Variants in ZNF292 observed in about 807,000 individuals in gnomAD.
ZNF292 encodes 16 zinc-finger domain protein.
Under a neutral mutation model 217.9 loss-of-function variants are expected in ZNF292, and 26 were observed. The observed-to-expected ratio is 0.12, with a 90% CI of 0.09 to 0.17. The LOEUF (loss-of-function observed/expected upper bound fraction) is 0.17. Ranked by LOEUF, ZNF292 falls within the 10% of genes least tolerant of loss-of-function variation. The probability of loss-of-function intolerance (pLI) is 1.00; values close to 1 mark genes in which losing one functional copy is unlikely to be tolerated. For missense variants in ZNF292, 2,904 were observed against 3,175.2 expected, an observed-to-expected ratio of 0.91 and a Z score of 2.05; for synonymous variants, 1,257 against 1,124.1, an observed-to-expected ratio of 1.12 and a Z score of -2.37.
At chr6:87,188,812 T>C (rs1771738027) in intron 1 of ZNF292, among the ~76,000 whole-genome samples, 1 of 151,622 alleles carries the variant, frequency 6.6e-6, no homozygotes, top group Non-Finnish European at 1.5e-5. Context: ...AAAAAATTAC[T>C]ATGGCTGGCT....
At chr6:87,177,734 T>C (rs1373158784) in intron 1 of ZNF292, among the ~76,000 whole-genome samples, 2 of 152,222 alleles carry the variant, frequency 1.3e-5, no homozygotes, top group Non-Finnish European at 2.9e-5. Flanking sequence ...GCTCATTTTC[T>C]TAATTTCTTT....
chr6:87,230,097 C>T (rs529899222), intron 4 of ZNF292, among the ~76,000 whole-genome samples: 2 of 152,226 alleles, frequency 1.3e-5, no homozygotes, highest in East Asian at 3.9e-4. Context: ...TAGGAGAGAG[C>T]ATTTTTAAGG....
At chr6:87,246,319 GATTAC>G (rs1282693402) in intron 7 of ZNF292, among the ~76,000 whole-genome samples, 9 of 152,220 alleles carry the variant, frequency 5.9e-5, no homozygotes, top group African/African-American at 2.2e-4. Context: ...CAGAAGGGAA[GATTAC>G]ATTATCTGAA....
intron 5 of ZNF292, 135 bp from the exon 6 acceptor site, chr6:87,243,340 G>C: frequency 1.8e-6 from 1 of 563,210 alleles, no homozygotes; most frequent in Middle Eastern, 5.6e-4. Flanking sequence ...AATTATAACT[G>C]ACTTGATAGT....
chr6:87,244,298 A>G (rs1183818553), intron 6 of ZNF292, among the ~76,000 whole-genome samples: 2 of 152,256 alleles, frequency 1.3e-5, no homozygotes, highest in Non-Finnish European at 2.9e-5. Context: ...TATGAAGGAA[A>G]AATAGTATAT....
Position 87,256,679 on chromosome 6 carries a change from C to G in ZNF292, c.3050C>G (p.Thr1017Ser). The change falls in exon 8 of 8, where the codon ACC becomes AGC. Residue 1017 changes from threonine to serine, a missense_variant. Physicochemically the swap from Thr to Ser is moderately conservative, Grantham distance 58. Coordinates refer to ENST00000369577, the MANE Select transcript of ZNF292 (RefSeq NM_015021.3). ...GAAACTCTCAAAATAGGTGACCTTA[C>G]CCCACAAAACTTAGAAAGACAAGTG... ...NSETLKIGDL[T>S]PQNLERQVNN... is the part of the protein sequence containing the mutation. The G allele has an allele frequency of 6.2e-7, 1 of 1,613,348 alleles. No homozygotes were observed. The highest frequency in any genetic ancestry group is 8.5e-7 in the Non-Finnish European group (1 of 1,179,808).
chr6:87,240,253 G>A (rs1297663779), intron 5 of ZNF292, among the ~76,000 whole-genome samples: 1 of 152,138 alleles, frequency 6.6e-6, no homozygotes, highest in Non-Finnish European at 1.5e-5. Flanking sequence ...TCAGCAGGCT[G>A]AGGCAGGAGA....
rs764776192 is a variant in ZNF292 at position 87,261,179 on chromosome 6, A to C, written c.7550A>C (p.Asp2517Ala). 3 of 1,613,206 alleles carry C rather than the reference A, an allele frequency of 1.9e-6. No individual in the cohort carries two copies. The Admixed American group carries it at 5.0e-5, about 27-fold the overall frequency. The change falls in exon 8 of 8, where the codon GAT becomes GCT. Residue 2517 changes from aspartate to alanine, a missense_variant. Transcript: ENST00000369577. ...SSNVSNDFQE[D>A]NLCQSERQKA... ...AATGTAAGTAATGATTTTCAGGAAGATAACCTCTGCCAGTCAGAAAGACAA... is the reference window on the plus strand; with the variant it reads ...AATGTAAGTAATGATTTTCAGGAAGCTAACCTCTGCCAGTCAGAAAGACAA...
At position 87,257,863 on chromosome 6, in the gene ZNF292, C is replaced by G; in HGVS notation, c.4234C>G (p.Leu1412Val). 1 of 1,613,886 alleles carries G rather than the reference C, an allele frequency of 6.2e-7. No individual in the cohort carries two copies. The highest frequency in any genetic ancestry group is 2.2e-5 in the East Asian group (1 of 44,882). The change falls in exon 8 of 8, where the codon CTT becomes GTT. Residue 1412 changes from leucine to valine, a missense_variant. Leu to Val is a conservative substitution (Grantham distance 32). Coordinates refer to ENST00000369577, the MANE Select transcript of ZNF292 (RefSeq NM_015021.3). ...PLDGAEIAQE[L>V]LQSNGQPSLL... Reference sequence around the variant, plus strand: ...GGATGGAGCCGAAATTGCTCAAGAACTTCTACAGAGTAATGGACAGCCTTC... The same window carrying G: ...GGATGGAGCCGAAATTGCTCAAGAAGTTCTACAGAGTAATGGACAGCCTTC...
chr6:87,196,347 CT>C (rs1451924153), intron 1 of ZNF292, among the ~76,000 whole-genome samples: 1 of 152,162 alleles, frequency 6.6e-6, no homozygotes, highest in South Asian at 2.1e-4. Flanking sequence ...AGCATTGCCA[CT>C]TTTTGTTTCC....
Position 87,256,021 on chromosome 6 carries a change from G to T in ZNF292, c.2392G>T (p.Asp798Tyr), listed in dbSNP as rs1775189513. 7 of 1,607,178 alleles carry T rather than the reference G, an allele frequency of 4.4e-6. No individual in the cohort carries two copies. The highest frequency in any genetic ancestry group is 6.0e-6 in the Non-Finnish European group (7 of 1,176,142). ...RIFSEAYLLY[D>Y]HEAQHYNTYT... Reference sequence around the variant, plus strand: ...TTTTTCGGAAGCTTATTTACTATATGATCATGAAGCACAACATTATAATAC... The same window carrying T: ...TTTTTCGGAAGCTTATTTACTATATTATCATGAAGCACAACATTATAATAC... Residue 798 changes from aspartate (D) to tyrosine (Y), a missense_variant, in exon 8 of 8, where the codon GAT becomes TAT. Asp to Tyr is a radical substitution (Grantham distance 160, BLOSUM62 -3). This residue lies in a region of ZNF292 where 216 missense variants were observed against 308.3 expected (regional missense o/e 0.70). Coordinates refer to ENST00000369577, the MANE Select transcript of ZNF292 (RefSeq NM_015021.3).
At chr6:87,250,019 C>A (rs543890723) in intron 7 of ZNF292, among the ~76,000 whole-genome samples, 1 of 120,944 alleles carries the variant, frequency 8.3e-6, no homozygotes, top group African/African-American at 3.3e-5. Context: ...CAACTGGTAA[C>A]CCTTAAAAAA....
intron 6 of ZNF292, among the ~76,000 whole-genome samples, chr6:87,243,812 C>T (rs1774432941): frequency 6.6e-6 from 1 of 152,066 alleles, no homozygotes; most frequent in Admixed American, 6.5e-5. Flanking sequence ...CCACACAATT[C>T]CTTAGCATGC....
rs758995215 is a variant in ZNF292 at position 87,260,400 on chromosome 6, A to G, written c.6771A>G (p.Lys2257=). 6.2e-7 allele frequency: 1 copy of G among 1,613,604 alleles called. No homozygotes were observed. The highest frequency in any genetic ancestry group is 1.1e-5 in the South Asian group (1 of 91,062). The change falls in exon 8 of 8, where the codon AAA becomes AAG. Residue 2257 remains lysine, a synonymous_variant. Transcript: ENST00000369577. The part of the protein sequence containing the change: ...ASKTEEDGVY[K]CDCEGCDRIY... ...AAACAGAAGAAGATGGTGTATACAA[A>G]TGTGATTGTGAAGGCTGTGACCGTA...
chr6:87,197,076 A>G (rs1043858531), intron 1 of ZNF292, among the ~76,000 whole-genome samples: 1 of 90,282 alleles, frequency 1.1e-5, no homozygotes, highest in Non-Finnish European at 2.0e-5. Context: ...AAAGGAGGTC[A>G]GATTCATTAT....
intron 4 of ZNF292, among the ~76,000 whole-genome samples, chr6:87,220,027 G>A (rs1003038208): frequency 6.6e-6 from 1 of 152,024 alleles, no homozygotes; most frequent in Non-Finnish European, 1.5e-5. Context: ...GGGTCTCCCT[G>A]TGTTACCCAG....
At chr6:87,252,511 C>G (rs546522264) in intron 7 of ZNF292, among the ~76,000 whole-genome samples, 1 of 152,332 alleles carries the variant, frequency 6.6e-6, no homozygotes, top group South Asian at 2.1e-4. Context: ...AATAATCACA[C>G]TGCTTCTCAG....
chr6:87,197,722 CAAA>C (rs11312557), intron 1 of ZNF292, among the ~76,000 whole-genome samples: 1,072 of 77,382 alleles, frequency 0.014, 23 homozygotes, highest in African/African-American at 0.046. Context: ...CTCGCTGTTT[CAAA>C]AAAAAAAAAA....
intron 6 of ZNF292, among the ~76,000 whole-genome samples, chr6:87,244,826 T>TTA (rs1233567898): frequency 2.0e-5 from 3 of 151,982 alleles, no homozygotes; most frequent in Admixed American, 6.6e-5. Flanking sequence ...TTGATTTTTT[T>TTA]TATATATATA....
Sources: gnomAD v4.1 joint callset for allele counts (sites outside exome capture counted in the v4.1 genomes callset) on GRCh38, gnomAD v4.1.1 for gene constraint, gnomAD v4.1.1 regional missense constraint, MANE v1.5 for transcripts, NCBI Gene and HGNC (gene_info 2026-07-23, HGNC 2026-07-21) for gene names.